Variants in CACNB2 observed in about 807,000 individuals in gnomAD.
CACNB2 encodes calcium voltage-gated channel auxiliary subunit beta 2.
In CACNB2, 42 loss-of-function variants were observed where a neutral mutation model predicts 73.3. The observed-to-expected ratio is 0.57, with a 90% CI of 0.45 to 0.74. CACNB2 has a LOEUF of 0.74. CACNB2 is among the 30% of genes least tolerant of loss of function. CACNB2 has a pLI of 0.00. For synonymous variants in CACNB2, 348 were observed against 310.3 expected, an observed-to-expected ratio of 1.12 and a Z score of -1.28; for missense variants, 940 against 853.0, an observed-to-expected ratio of 1.10 and a Z score of -1.27.
In CACNB2 at chr10:18,500,866, G is replaced by C; in HGVS notation, c.511G>C (p.Gly171Arg). ...ATTGGTAAAAGAAGGCTGTGAAATC[G>C]GATTCATTCCAAGCCCAGTCAAACT... ...GRLVKEGCEI[G>R]FIPSPVKLEN... Residue 171 changes from glycine to arginine, a missense_variant, in exon 5 of 14, where the codon GGA becomes CGA. Coordinates refer to ENST00000324631, the MANE Select transcript of CACNB2 (RefSeq NM_201596.3). The C allele has an allele frequency of 6.2e-7, 1 of 1,613,832 alleles. No individual in the cohort carries two copies. The highest frequency in any genetic ancestry group is 8.5e-7 in the Non-Finnish European group (1 of 1,179,772).
chr10:18,304,655 TTGCCTGCCGC>T (rs1434980303), intron 2 of CACNB2, among the ~76,000 whole-genome samples: 1 of 152,170 alleles, frequency 6.6e-6, no homozygotes, highest in Non-Finnish European at 1.5e-5. Context: ...AACCTTGACT[TTGCCTGCCGC>T]TGCACAGGCG....
At chr10:18,254,554 A>T (rs2131566864) in intron 2 of CACNB2, among the ~76,000 whole-genome samples, 1 of 152,336 alleles carries the variant, frequency 6.6e-6, no homozygotes, top group Admixed American at 6.5e-5. Flanking sequence ...AACAAAACAA[A>T]AACCAAAAAA....
At chr10:18,309,343 G>A (rs1177373733) in intron 2 of CACNB2, among the ~76,000 whole-genome samples, 1 of 152,194 alleles carries the variant, frequency 6.6e-6, no homozygotes, top group Non-Finnish European at 1.5e-5. Context: ...TGAAGCCGGA[G>A]CTTGACTGGG....
rs1293046549 is a variant in CACNB2 at position 18,540,663 on chromosome 10, G to C, written c.*939G>C. The C allele has an allele frequency of 1.3e-5, 2 of 152,542 alleles. No individual in the cohort carries two copies. Among genetic ancestry groups the C allele is most frequent in the African/African-American group, 2.4e-5 (1 of 41,422 alleles). The allele number at this position is 152,542 out of a possible 1,614,324, so 9.4% of individuals were successfully genotyped here. A position where few individuals can be genotyped will look rare whatever the true frequency, so the allele number is the denominator to read the frequency against. On this transcript the variant is annotated 3_prime_UTR_variant, in exon 14 of 14. Transcript: ENST00000324631. The stretch of plus-strand genomic sequence containing the variant: ...GATTGTGACACATTCTTAGTAGCTA[G>C]TGTCTGTTCTAGTCACTGCACTGGA...
chr10:18,437,233 C>A (rs2046180409), intron 3 of CACNB2, among the ~76,000 whole-genome samples: 1 of 152,134 alleles, frequency 6.6e-6, no homozygotes, highest in African/African-American at 2.4e-5. Context: ...CTGATATCCA[C>A]AAGACAGATG....
intron 2 of CACNB2, among the ~76,000 whole-genome samples, chr10:18,285,224 G>A (rs1320965588): frequency 1.3e-5 from 2 of 152,150 alleles, no homozygotes; most frequent in South Asian, 2.1e-4. Flanking sequence ...GGCTGCCTCC[G>A]TGACTCACTT....
intron 3 of CACNB2, among the ~76,000 whole-genome samples, chr10:18,421,466 T>G (rs1407958228): frequency 6.6e-6 from 1 of 151,816 alleles, no homozygotes; most frequent in African/African-American, 2.4e-5. Flanking sequence ...CCCGGCTAAT[T>G]TTTTGTATTT....
At chr10:18,328,242 A>T (rs1282930600) in intron 2 of CACNB2, among the ~76,000 whole-genome samples, 1 of 152,242 alleles carries the variant, frequency 6.6e-6, no homozygotes, top group African/African-American at 2.4e-5. Context: ...TTGGCCACAC[A>T]TTAGAATCAT....
chr10:18,512,481 T>C (rs149219377), intron 6 of CACNB2, among the ~76,000 whole-genome samples: 116 of 152,322 alleles, frequency 7.6e-4, no homozygotes, highest in African/African-American at 2.7e-3. Context: ...CAAATGTCTG[T>C]TGCAATTTTA....
chr10:18,514,245 T>C lies in CACNB2; in HGVS notation c.680T>C (p.Ile227Thr), dbSNP rs760156284. The C allele has an allele frequency of 6.2e-7, 1 of 1,614,158 alleles. No individual in the cohort carries two copies. The highest frequency in any genetic ancestry group is 8.5e-7 in the Non-Finnish European group (1 of 1,179,994). ...AATTGTCTGTATATAGCTATAGACA[T>C]AGATGCTACTGGCTTAGATGCAGAA... ...KSTPPSSAIDIDATGLDAEEN... is the reference protein window; with the variant it reads ...KSTPPSSAIDTDATGLDAEEN... The change falls in exon 7 of 14, where the codon ATA (isoleucine) becomes ACA (threonine). Residue 227 changes from isoleucine to threonine, a missense_variant. Transcript: ENST00000324631.
At chr10:18,537,109 C>T (rs1315729373) in intron 12 of CACNB2, among the ~76,000 whole-genome samples, 2 of 151,974 alleles carry the variant, frequency 1.3e-5, no homozygotes, top group Non-Finnish European at 2.9e-5. Flanking sequence ...CACCTCGGCC[C>T]TCCAAGTAGC....
In CACNB2 at chr10:18,364,491, G is replaced by A. The variant is rs116422949; in HGVS notation, c.214-37433G>A. ...AATTTTTGTGGTTTCAATAGAGATG[G>A]GTTTTACCATGTTAGCCAGGCTGGT... On this transcript the variant is annotated intron_variant, in intron 2 of 13. Transcript: ENST00000324631. Among the ~76,000 whole-genome samples, 395 of 151,308 alleles carry A rather than the reference G, an allele frequency of 2.6e-3. 2 individuals are homozygous for A. The highest frequency in any genetic ancestry group is 9.0e-3 in the African/African-American group (371 of 41,164).
intron 2 of CACNB2, among the ~76,000 whole-genome samples, chr10:18,315,515 A>AT (rs1339036274): frequency 3.8e-5 from 5 of 132,058 alleles, no homozygotes; most frequent in Non-Finnish European, 8.1e-5. Flanking sequence ...AAAAAAAAAA[A>AT]AAAAAAAAAA....
intron 2 of CACNB2, among the ~76,000 whole-genome samples, chr10:18,327,626 C>T (rs569866552): frequency 2.0e-4 from 31 of 152,134 alleles, no homozygotes; most frequent in Admixed American, 3.3e-4. Context: ...AGTTTCTCCA[C>T]GAAACCAGGC....
chr10:18,502,008 A>G (rs1010413848), intron 5 of CACNB2, among the ~76,000 whole-genome samples: 3 of 152,240 alleles, frequency 2.0e-5, no homozygotes, highest in Non-Finnish European at 4.4e-5. Context: ...AGAGGCATGC[A>G]TAAAAAAGAA....
chr10:18,410,264 C>G (rs1372911841), intron 3 of CACNB2, among the ~76,000 whole-genome samples: 2 of 152,160 alleles, frequency 1.3e-5, no homozygotes, highest in Non-Finnish European at 2.9e-5. Flanking sequence ...GTTTCCTGTT[C>G]TTAGTATTTG....
At chr10:18,200,652 C>T (rs148439035) in intron 2 of CACNB2, among the ~76,000 whole-genome samples, 54 of 152,090 alleles carry the variant, frequency 3.6e-4, no homozygotes, top group Admixed American at 5.9e-4. Context: ...TTTTTCCCCG[C>T]GGTAGAAGTA....
chr10:18,175,839 CT>C (rs1178541812), intron 2 of CACNB2, among the ~76,000 whole-genome samples: 1 of 152,224 alleles, frequency 6.6e-6, no homozygotes, highest in Non-Finnish European at 1.5e-5. Flanking sequence ...CTCAAGTGAT[CT>C]GCCCGCTTCA....
chr10:18,466,397 G>A (rs2047888179), intron 3 of CACNB2, among the ~76,000 whole-genome samples: 1 of 151,854 alleles, frequency 6.6e-6, no homozygotes, highest in Non-Finnish European at 1.5e-5. Flanking sequence ...ACACCACCAT[G>A]CCCAGCTAAA....
Sources: allele counts gnomAD v4.1 joint callset (sites outside exome capture counted in the v4.1 genomes callset), GRCh38; gene constraint gnomAD v4.1.1; transcripts MANE v1.5; gene names NCBI Gene and HGNC (gene_info 2026-07-23, HGNC 2026-07-21).